Variants in CACNG5 observed in about 807,000 individuals in gnomAD.
The protein encoded by CACNG5 is calcium voltage-gated channel auxiliary subunit gamma 5.
Under a neutral mutation model 24.8 loss-of-function variants are expected in CACNG5, and 18 were observed. That is an observed-to-expected ratio of 0.73 (90% CI 0.50 to 1.08). The LOEUF (loss-of-function observed/expected upper bound fraction) is 1.08. Ranked by LOEUF, CACNG5 falls within the 50% of genes least tolerant of loss-of-function variation. CACNG5 has a pLI of 0.00. For synonymous variants in CACNG5, 157 were observed against 149.1 expected, an observed-to-expected ratio of 1.05 and a Z score of -0.39; for missense variants, 349 against 367.9, an observed-to-expected ratio of 0.95 and a Z score of 0.42.
rs1198090945 is a variant in CACNG5, at chr17:66,887,878, A to G, written c.*2638A>G. The stretch of plus-strand genomic sequence containing the variant: ...TGCATGTGTCAATAATCACATCACC[A>G]TCACAATTTCCTTTCTGTCTATAAA... On this transcript the variant is annotated 3_prime_UTR_variant, in exon 6 of 6. Coordinates refer to ENST00000533854, the MANE Select transcript of CACNG5 (RefSeq NM_145811.3). 2.6e-5 allele frequency among the ~76,000 whole-genome samples: 4 copies of G among 152,206 alleles called. No homozygotes were observed. The highest frequency in any genetic ancestry group is 5.9e-5 in the Non-Finnish European group (4 of 68,034).
In CACNG5 at chr17:66,876,534, G is replaced by A. The variant is rs545208794; in HGVS notation, c.-103-696G>A. Among the ~76,000 whole-genome samples, 70 of 152,342 alleles carry A rather than the reference G, an allele frequency of 4.6e-4. No individual in the cohort carries two copies. In the South Asian group the frequency reaches 8.9e-3, roughly 19 times the overall value. On this transcript the variant is annotated intron_variant, in intron 1 of 5. Transcript: ENST00000533854. The stretch of plus-strand genomic sequence containing the variant: ...CATTGCTGGCCCCTGCCGATACAGC[G>A]TGCTGAGCAGGTAAGAGTCAGCCCA...
chr17:66,874,502 C>T (rs1256433945), intron 1 of CACNG5, among the ~76,000 whole-genome samples: 5 of 152,130 alleles, frequency 3.3e-5, no homozygotes, highest in African/African-American at 4.8e-5. Flanking sequence ...AAGAAGGAAA[C>T]GGAGAAAACC....
At chr17:66,868,651 TAGAG>T (rs1296959766) in intron 1 of CACNG5, among the ~76,000 whole-genome samples, 1 of 152,174 alleles carries the variant, frequency 6.6e-6, no homozygotes, top group Non-Finnish European at 1.5e-5. Flanking sequence ...TAATGACACC[TAGAG>T]GTCTCCAGTC....
At chr17:66,846,148 T>C (rs1305382890) in intron 1 of CACNG5, among the ~76,000 whole-genome samples, 1 of 152,218 alleles carries the variant, frequency 6.6e-6, no homozygotes, top group Non-Finnish European at 1.5e-5. Flanking sequence ...TAATTGCTTA[T>C]ATGCATACAC....
intron 1 of CACNG5, among the ~76,000 whole-genome samples, chr17:66,855,240 C>G (rs1357377285): frequency 1.3e-5 from 2 of 152,218 alleles, no homozygotes; most frequent in African/African-American, 4.8e-5. Flanking sequence ...GTTCCCGATT[C>G]TTTTCTTTTT....
intron 1 of CACNG5, among the ~76,000 whole-genome samples, chr17:66,855,646 C>T (rs1379599097): frequency 6.6e-6 from 1 of 152,178 alleles, no homozygotes; most frequent in East Asian, 1.9e-4. Context: ...GCCTCAGGCT[C>T]GGACCACGCC....
chr17:66,842,121 C>A (rs1313681448), intron 1 of CACNG5, among the ~76,000 whole-genome samples: 1 of 152,202 alleles, frequency 6.6e-6, no homozygotes, highest in Non-Finnish European at 1.5e-5. Context: ...CCTTTACTGC[C>A]AAATGGGCTG....
At chr17:66,837,480 C>T (rs1341105767) in intron 1 of CACNG5, among the ~76,000 whole-genome samples, 1 of 152,216 alleles carries the variant, frequency 6.6e-6, no homozygotes, top group African/African-American at 2.4e-5. Context: ...CATGCCTGCT[C>T]TGTCATCTTC....
At chr17:66,836,184 T>G (rs1477259763) in intron 1 of CACNG5, among the ~76,000 whole-genome samples, 1 of 152,150 alleles carries the variant, frequency 6.6e-6, no homozygotes, top group Non-Finnish European at 1.5e-5. Context: ...AGGAAGGGAT[T>G]CACCCACTTT....
Position 66,891,588 on chromosome 17 carries a change from G to T in CACNG5, c.*6348G>T, listed in dbSNP as rs1437821295. 6.6e-6 allele frequency among the ~76,000 whole-genome samples: 1 copy of T among 152,196 alleles called. No individual in the cohort carries two copies. Among genetic ancestry groups the T allele is most frequent in the African/African-American group, 2.4e-5 (1 of 41,442 alleles). On this transcript the variant is annotated 3_prime_UTR_variant, in exon 6 of 6. Coordinates refer to ENST00000533854, the MANE Select transcript of CACNG5 (RefSeq NM_145811.3). ...TGACAGCTTGGTTTTAAGAGTGAGG[G>T]TCCCAAGAGACAGGCAGAAGCTTCA...
chr17:66,853,726 CAT>C (rs1016173598), intron 1 of CACNG5, among the ~76,000 whole-genome samples: 4 of 151,938 alleles, frequency 2.6e-5, no homozygotes, highest in South Asian at 2.1e-4. Flanking sequence ...TGCAGAAAAA[CAT>C]ATGGTAAAAA....
rs1977100897 is a variant in CACNG5 at position 66,877,535 on chromosome 17, G to T, written c.196+7G>T. 2 of 1,612,506 alleles carry T rather than the reference G, an allele frequency of 1.2e-6. No individual in the cohort carries two copies. Among genetic ancestry groups the T allele is most frequent in the Non-Finnish European group, 1.7e-6 (2 of 1,179,292 alleles). ...CGGGTCTGCTTCCTTGCAGGTAAGG[G>T]TGCCCAGGGTTGGGGACAGCCCTGC... On this transcript the variant is annotated splice_region_variant and intron_variant, in intron 2 of 5. Coordinates refer to ENST00000533854, the MANE Select transcript of CACNG5 (RefSeq NM_145811.3).
chr17:66,877,921 C>T (rs1438835552), intron 2 of CACNG5, among the ~76,000 whole-genome samples: 2 of 152,220 alleles, frequency 1.3e-5, no homozygotes, highest in East Asian at 1.9e-4. Flanking sequence ...TTGTTATTTC[C>T]ACTTTGCAAA....
intron 4 of CACNG5, among the ~76,000 whole-genome samples, chr17:66,883,818 C>T (rs1053681765): frequency 1.3e-5 from 2 of 152,246 alleles, no homozygotes; most frequent in Non-Finnish European, 2.9e-5. Flanking sequence ...CACTTTCTAG[C>T]TCAGTGGTTC....
At chr17:66,851,558 AAGG>A (rs1251492300) in intron 1 of CACNG5, among the ~76,000 whole-genome samples, 1 of 152,242 alleles carries the variant, frequency 6.6e-6, no homozygotes, top group Non-Finnish European at 1.5e-5. Flanking sequence ...TTAAAACAAC[AAGG>A]AGGAGTAGAA....
intron 1 of CACNG5, among the ~76,000 whole-genome samples, chr17:66,866,425 C>A (rs1409933644): frequency 6.6e-6 from 1 of 152,116 alleles, no homozygotes; most frequent in East Asian, 1.9e-4. Context: ...CTCCACCACA[C>A]CTTACCTTCC....
intron 1 of CACNG5, among the ~76,000 whole-genome samples, chr17:66,870,095 GA>G (rs1213590252): frequency 6.6e-6 from 1 of 151,710 alleles, no homozygotes; most frequent in South Asian, 2.1e-4. Context: ...AAAAAAAAAA[GA>G]AAAAGTGTAA....
At chr17:66,841,174 G>T (rs1333585190) in intron 1 of CACNG5, among the ~76,000 whole-genome samples, 1 of 152,174 alleles carries the variant, frequency 6.6e-6, no homozygotes, top group Non-Finnish European at 1.5e-5. Context: ...GATGTACATT[G>T]GTTCTGTCCA....
intron 1 of CACNG5, among the ~76,000 whole-genome samples, chr17:66,874,462 A>AT (rs1977048933): frequency 6.6e-6 from 1 of 152,212 alleles, no homozygotes; most frequent in South Asian, 2.1e-4. Context: ...GAGGGCTTTC[A>AT]TAGGGCATCA....
Sources: gnomAD v4.1 joint callset for allele counts (sites outside exome capture counted in the v4.1 genomes callset) on GRCh38, gnomAD v4.1.1 for gene constraint, MANE v1.5 for transcripts, NCBI Gene and HGNC (gene_info 2026-07-23, HGNC 2026-07-21) for gene names.